The following KIF6 variants were observed in gnomAD, a reference collection of about 807,000 sequenced individuals.
The protein encoded by KIF6 is kinesin-like protein KIF6.
A neutral mutation model predicts 112.7 loss-of-function variants in KIF6; 106 were observed. That is an observed-to-expected ratio of 0.94 (90% CI 0.80 to 1.11). The LOEUF (loss-of-function observed/expected upper bound fraction) is 1.11, where lower values mean the gene tolerates loss of function less well. Ranked by LOEUF, KIF6 falls within the 50% of genes least tolerant of loss-of-function variation. The pLI is 0.00. For synonymous variants in KIF6, 339 were observed against 339.9 expected (o/e 1.00, Z 0.03); for missense variants, 929 against 964.0 (o/e 0.96, Z 0.48).
At chr6:39,498,056 C>T (rs1775890905) in intron 13 of KIF6, among the ~76,000 whole-genome samples, 1 of 152,066 alleles carries the variant, frequency 6.6e-6, no homozygotes, top group Non-Finnish European at 1.5e-5. Context: ...TGCAGTTTGC[C>T]TGTAGTGGGG....
chr6:39,466,573 T>G (rs1436447311), intron 13 of KIF6, among the ~76,000 whole-genome samples: 1 of 152,160 alleles, frequency 6.6e-6, no homozygotes, highest in Non-Finnish European at 1.5e-5. Flanking sequence ...AGCCATGACT[T>G]GCTCCTTCCC....
chr6:39,720,159 C>T (rs1790123718), intron 2 of KIF6, among the ~76,000 whole-genome samples: 1 of 152,218 alleles, frequency 6.6e-6, no homozygotes, highest in South Asian at 2.1e-4. Flanking sequence ...TTCCTTCATG[C>T]TAAGTCTTCA....
chr6:39,569,993 C>T (rs1439075969), intron 10 of KIF6, among the ~76,000 whole-genome samples: 2 of 152,176 alleles, frequency 1.3e-5, no homozygotes, highest in Non-Finnish European at 2.9e-5. Context: ...GCATTTAAGA[C>T]TCTTCCTTTA....
chr6:39,394,750 A>G (rs1432823002), intron 15 of KIF6, among the ~76,000 whole-genome samples: 1 of 152,256 alleles, frequency 6.6e-6, no homozygotes, highest in African/African-American at 2.4e-5. Context: ...CTGACATTTC[A>G]TTTCTCCAGA....
chr6:39,637,024 G>T (rs757186075), intron 4 of KIF6, among the ~76,000 whole-genome samples: 1 of 151,956 alleles, frequency 6.6e-6, no homozygotes, highest in Non-Finnish European at 1.5e-5. Context: ...AATCATTGTT[G>T]CTGCTGTTGC....
chr6:39,423,488 C>T (rs1335755874), intron 14 of KIF6, among the ~76,000 whole-genome samples: 2 of 152,000 alleles, frequency 1.3e-5, no homozygotes, highest in Non-Finnish European at 2.9e-5. Context: ...TCCCTGTAGG[C>T]ATTCCCTTTA....
At chr6:39,631,315 T>A (rs182010324) in intron 5 of KIF6, among the ~76,000 whole-genome samples, 3 of 152,174 alleles carry the variant, frequency 2.0e-5, no homozygotes, top group Admixed American at 6.5e-5. Context: ...AGTATTTCCA[T>A]ACTATATTGA....
chr6:39,338,933 G>GTGTGTGA (rs1380800814), intron 22 of KIF6, among the ~76,000 whole-genome samples: 1 of 128,766 alleles, frequency 7.8e-6, no homozygotes, highest in African/African-American at 2.9e-5. Context: ...ACACTTGCAT[G>GTGTGTGA]CAGTAATGAC....
intron 3 of KIF6, chr6:39,691,895 T>A (rs1420647457): frequency 6.6e-6 from 1 of 152,226 alleles, no homozygotes; most frequent in Non-Finnish European, 1.5e-5. Context: ...AATTCTCACT[T>A]CTTACAGTCA....
rs115142114 is a variant in KIF6, at chr6:39,489,938, C to T, written c.1645+50065G>A. On this transcript the variant is annotated intron_variant, in intron 13 of 22. Transcript: ENST00000287152. ...ATATTTGACCTGTGACATTTTTGTT[C>T]TTCTTATCCTCTGGCTAAATTTCAC... Among the ~76,000 whole-genome samples, 1,025 of 152,250 alleles carry T rather than the reference C, an allele frequency of 6.7e-3. 11 individuals are homozygous for T. The highest frequency in any genetic ancestry group is 0.024 in the African/African-American group (982 of 41,558).
At position 39,378,273 on chromosome 6, in the gene KIF6, C is replaced by G. The variant is rs1385819108; in HGVS notation, c.1861+7349G>C. ...CACACACACACACAAACCCACAAAC[C>G]ACACACACATACACACCACACACAC... On this transcript the variant is annotated intron_variant, in intron 16 of 22. Transcript: ENST00000287152. The surrounding 1 kb of genome is among the most constrained non-coding windows in gnomAD (Gnocchi z 5.0). Among the ~76,000 whole-genome samples, 1 of 151,536 alleles carries G rather than the reference C, an allele frequency of 6.6e-6. No homozygotes were observed. The highest frequency in any genetic ancestry group is 2.4e-5 in the African/African-American group (1 of 41,202).
rs554859436 is a variant in KIF6, at chr6:39,706,046, C to A, written c.251+8646G>T. 2.8e-4 allele frequency among the ~76,000 whole-genome samples: 42 copies of A among 152,326 alleles called. No homozygotes were observed. The Middle Eastern group carries it at 0.01, about 37-fold the overall frequency. On this transcript the variant is annotated intron_variant, in intron 3 of 22. Transcript: ENST00000287152. Reference sequence around the variant, plus strand: ...TTTTATTATCTTAGGAAACCCCCAACTAACTTTTTAATCCAAGTAACGCTT... The same window carrying A: ...TTTTATTATCTTAGGAAACCCCCAAATAACTTTTTAATCCAAGTAACGCTT...
At chr6:39,609,338 T>G (rs1410897691) in intron 6 of KIF6, among the ~76,000 whole-genome samples, 2 of 152,164 alleles carry the variant, frequency 1.3e-5, no homozygotes, top group South Asian at 2.1e-4. Context: ...AAAGGTCCCC[T>G]GCAAGCAGTT....
intron 3 of KIF6, among the ~76,000 whole-genome samples, chr6:39,703,710 T>C (rs1789017694): frequency 6.6e-6 from 1 of 152,222 alleles, no homozygotes; most frequent in South Asian, 2.1e-4. Context: ...AATGAAGATA[T>C]TTAGATCTGC....
Position 39,578,084 on chromosome 6 carries a change from C to T in KIF6, c.1153G>A (p.Glu385Lys). 8 of 1,614,040 alleles carry T rather than the reference C, an allele frequency of 5.0e-6. No individual in the cohort carries two copies. Among genetic ancestry groups the T allele is most frequent in the Non-Finnish European group, 6.8e-6 (8 of 1,179,892 alleles). ...LAMVTGEQRTEALTEAELLQL... is the reference protein window; with the variant it reads ...LAMVTGEQRTKALTEAELLQL... ...AGGAGCTCTGCTTCTGTGAGTGCCTCTGTCCTCTGCTCCCCAGTGACCATG... is the reference window on the plus strand; with the variant it reads ...AGGAGCTCTGCTTCTGTGAGTGCCTTTGTCCTCTGCTCCCCAGTGACCATG... The change falls in exon 10 of 23, where the codon GAG becomes AAG. Residue 385 changes from glutamate to lysine, a missense_variant. Physicochemically the swap from Glu to Lys is moderately conservative, Grantham distance 56. This residue lies in a region of KIF6 where 688 missense variants were observed against 662.7 expected (regional missense o/e 1.04). Coordinates refer to ENST00000287152, the MANE Select transcript of KIF6 (RefSeq NM_145027.6).
chr6:39,539,888 A>C (rs1274743444), intron 13 of KIF6, 115 bp downstream of exon 13: 1 of 778,822 alleles, frequency 1.3e-6, no homozygotes, highest in Non-Finnish European at 2.1e-6. Context: ...GATAGTTATA[A>C]AAAATAATTC....
At chr6:39,699,828 A>G (rs1423686281) in intron 3 of KIF6, among the ~76,000 whole-genome samples, 1 of 152,214 alleles carries the variant, frequency 6.6e-6, no homozygotes, top group Non-Finnish European at 1.5e-5. Flanking sequence ...CTTTATTAAT[A>G]TATCTTGACT....
intron 4 of KIF6, among the ~76,000 whole-genome samples, chr6:39,636,647 T>C (rs1561885218): frequency 6.6e-6 from 1 of 151,990 alleles, no homozygotes; most frequent in African/African-American, 2.4e-5. Flanking sequence ...AGTTCCATGG[T>C]CAACATATAC....
At chr6:39,364,699 C>T (rs1765432446) in intron 16 of KIF6, among the ~76,000 whole-genome samples, 1 of 152,206 alleles carries the variant, frequency 6.6e-6, no homozygotes, top group Non-Finnish European at 1.5e-5. Context: ...CCTCCATGTA[C>T]CCTATTGCTA....
Sources: allele counts gnomAD v4.1 joint callset (sites outside exome capture counted in the v4.1 genomes callset), GRCh38; gene constraint gnomAD v4.1.1; regional missense constraint gnomAD v4.1.1; non-coding constraint Gnocchi (gnomAD v3.1); transcripts MANE v1.5; gene names NCBI Gene and HGNC (gene_info 2026-07-23, HGNC 2026-07-21).